Variants in SART3 observed in about 807,000 individuals in gnomAD.
SART3 encodes HIV-1 Tat-interacting protein of 110kDa.
In SART3, 44 loss-of-function variants were observed where a neutral mutation model predicts 122.3. That is an observed-to-expected ratio of 0.36 (90% confidence interval 0.28 to 0.46). SART3 has a LOEUF of 0.46. Ranked by LOEUF, SART3 falls within the 20% of genes least tolerant of loss-of-function variation. SART3 has a pLI of 1.00. For synonymous variants in SART3, 442 were observed against 454.0 expected, an observed-to-expected ratio of 0.97 and a Z score of 0.34; for missense variants, 1,101 against 1,229.0, an observed-to-expected ratio of 0.90 and a Z score of 1.56.
At chr12:108,558,496 G>A (rs1267302627) in intron 1 of SART3, among the ~76,000 whole-genome samples, 3 of 152,156 alleles carry the variant, frequency 2.0e-5, no homozygotes, top group Non-Finnish European at 4.4e-5. Context: ...AGTACTAGTG[G>A]CCAGAGACCT....
At chr12:108,543,601 T>C (rs1285123296) in intron 5 of SART3, among the ~76,000 whole-genome samples, 2 of 152,234 alleles carry the variant, frequency 1.3e-5, no homozygotes, top group Non-Finnish European at 2.9e-5. Flanking sequence ...CTAATCATTA[T>C]GCTAGGTTGT....
chr12:108,552,536 C>CAAAAAAAAA (rs750041162), intron 1 of SART3, among the ~76,000 whole-genome samples: 1 of 114,394 alleles, frequency 8.7e-6, no homozygotes, highest in African/African-American at 4.1e-5. Context: ...GATAAACATA[C>CAAAAAAAAA]AAAAACAAAA....
chr12:108,545,947 GAA>G (rs1873393283), intron 3 of SART3, among the ~76,000 whole-genome samples: 1 of 104,908 alleles, frequency 9.5e-6, no homozygotes, highest in South Asian at 3.7e-4. Flanking sequence ...CAGCCTAAGC[GAA>G]AGAGTAAGAC....
At chr12:108,526,599 T>C in intron 15 of SART3, 46 bp from the exon 16 acceptor site, 1 of 1,594,596 alleles carries the variant, frequency 6.3e-7, no homozygotes, top group South Asian at 1.1e-5. Context: ...CTGTTACTTC[T>C]CTTCAGGGAG....
At position 108,531,933 on chromosome 12, in the gene SART3, G is replaced by A. The variant is rs569938368; in HGVS notation, c.1669+289C>T. ...GTGAAGCTGCTACTGGCATTTCAGG[G>A]CTAGAAGCCAGGGATGCCCCTAAAC... is the stretch of plus-strand genomic sequence containing the variant. On this transcript the variant is annotated intron_variant, in intron 13 of 18. Coordinates refer to ENST00000546815, the MANE Select transcript of SART3 (RefSeq NM_014706.4). 5 of 392,974 alleles carry A rather than the reference G, an allele frequency of 1.3e-5. No individual in the cohort carries two copies. In the East Asian group the frequency reaches 2.9e-4, roughly 23 times the overall value. 24.3% of individuals were successfully genotyped at this position (392,974 alleles called of 1,614,324 possible).
Position 108,532,236 on chromosome 12 carries a change from A to G in SART3, c.1655T>C (p.Met552Thr). ...GGGGGTCCCACCTTCTGTCCTCTCCATGGTGAGTAACACTTCGCAGACGTG... is the reference window on the plus strand; with the variant it reads ...GGGGGTCCCACCTTCTGTCCTCTCCGTGGTGAGTAACACTTCGCAGACGTG... ...PEHVCEVLLT[M>T]ERTEGSLEDW... is the part of the protein sequence containing the mutation. The change falls in exon 13 of 19, where the codon ATG (methionine) becomes ACG (threonine). Residue 552 changes from methionine to threonine, a missense_variant. By Grantham distance (81) the Met-to-Thr change is moderately conservative. This residue lies in a region of SART3 where 885 missense variants were observed against 1,080.1 expected (regional missense o/e 0.82). Transcript: ENST00000546815. 6 of 1,614,018 alleles carry G rather than the reference A, an allele frequency of 3.7e-6. No homozygotes were observed. The highest frequency in any genetic ancestry group is 5.1e-6 in the Non-Finnish European group (6 of 1,179,928).
chr12:108,537,522 A>G lies in SART3; in HGVS notation c.1275T>C (p.Leu425=). 3 of 1,614,046 alleles carry G rather than the reference A, an allele frequency of 1.9e-6. No individual in the cohort carries two copies. Among genetic ancestry groups the G allele is most frequent in the Non-Finnish European group, 2.5e-6 (3 of 1,179,904 alleles). Residue 425 remains leucine, a synonymous_variant, in exon 9 of 19, where the codon CTT becomes CTC. Coordinates refer to ENST00000546815, the MANE Select transcript of SART3 (RefSeq NM_014706.4). ...AATCAACCCTTCTCCTCAGGTAATC[A>G]AGGTATGCCTGCCAAATCTCCACAT... is the stretch of plus-strand genomic sequence containing the variant. The part of the protein sequence containing the change: ...TDYVEIWQAY[L]DYLRRRVDFK...
rs1036096767 is a variant in SART3 at position 108,524,380 on chromosome 12, G to C, written c.2650C>G (p.Pro884Ala). The C allele has an allele frequency of 1.9e-6, 3 of 1,614,144 alleles. No homozygotes were observed. The highest frequency in any genetic ancestry group is 2.5e-6 in the Non-Finnish European group (3 of 1,180,006). The change falls in exon 18 of 19, where the codon CCA becomes GCA. Residue 884 changes from proline to alanine, a missense_variant. Physicochemically the swap from Pro to Ala is conservative, Grantham distance 27. Coordinates refer to ENST00000546815, the MANE Select transcript of SART3 (RefSeq NM_014706.4). ...GCCTTCCTGGTCTCCGGCTTCTCTGGAACTTTCCTCTGAGGAGGGTTGCTG... is the reference window on the plus strand; with the variant it reads ...GCCTTCCTGGTCTCCGGCTTCTCTGCAACTTTCCTCTGAGGAGGGTTGCTG... ...AISNPPQRKV[P>A]EKPETRKAPG...
At chr12:108,524,287 T>A (rs370724400) in intron 18 of SART3, 29 bp downstream of exon 18, 1 of 1,598,254 alleles carries the variant, frequency 6.3e-7, no homozygotes. Flanking sequence ...AGGACGAAGT[T>A]TGCACTAGTC....
chr12:108,549,699 A>C (rs1222776044), intron 1 of SART3, among the ~76,000 whole-genome samples: 1 of 152,216 alleles, frequency 6.6e-6, no homozygotes, highest in African/African-American at 2.4e-5. Context: ...GTACACTGTA[A>C]GACCTCTTTT....
chr12:108,546,903 T>C (rs1464558101), intron 3 of SART3, among the ~76,000 whole-genome samples: 1 of 152,124 alleles, frequency 6.6e-6, no homozygotes, highest in Non-Finnish European at 1.5e-5. Flanking sequence ...CGCTGCAACC[T>C]CCACTTCCCA....
At chr12:108,550,703 A>G (rs933010053) in intron 1 of SART3, among the ~76,000 whole-genome samples, 1 of 152,186 alleles carries the variant, frequency 6.6e-6, no homozygotes, top group African/African-American at 2.4e-5. Context: ...TCTACCAAAA[A>G]ATACAAAAAA....
intron 6 of SART3, among the ~76,000 whole-genome samples, chr12:108,541,568 A>G (rs2136680010): frequency 6.6e-6 from 1 of 152,132 alleles, no homozygotes; most frequent in African/African-American, 2.4e-5. Context: ...GGAGTCTCAC[A>G]CTGTTGCCCA....
chr12:108,547,888 A>G lies in SART3; in HGVS notation c.543T>C (p.Ile181=), dbSNP rs1303175819. The change falls in exon 3 of 19, where the codon ATT becomes ATC. Residue 181 remains isoleucine (I), a splice_region_variant and synonymous_variant. Transcript: ENST00000546815. The stretch of plus-strand genomic sequence containing the variant: ...CAAAAAAAGTCCACGGGAACTTACA[A>G]ATGTAATCCTTCACGGCTTTCTCAA... The part of the protein sequence containing the change: ...DLFEKAVKDY[I]CPNIWLEYGQ... The G allele has an allele frequency of 6.2e-7, 1 of 1,612,090 alleles. No individual in the cohort carries two copies. Among genetic ancestry groups the G allele is most frequent in the Non-Finnish European group, 8.5e-7 (1 of 1,178,712 alleles).
At chr12:108,542,852 C>A in intron 6 of SART3, 176 bp downstream of exon 6, 1 of 884,588 alleles carries the variant, frequency 1.1e-6, no homozygotes, top group Non-Finnish European at 1.8e-6. Context: ...ATTTCTTAAC[C>A]TGGGTGGTAG....
rs1872210582 is a variant in SART3 at position 108,523,328 on chromosome 12, G to C, written c.*129C>G. 1 of 960,864 alleles carries C rather than the reference G, an allele frequency of 1.0e-6. No individual in the cohort carries two copies. The highest frequency in any genetic ancestry group is 1.7e-6 in the Non-Finnish European group (1 of 591,412). 59.5% of individuals were successfully genotyped at this position (960,864 alleles called of 1,614,324 possible). On this transcript the variant is annotated 3_prime_UTR_variant, in exon 19 of 19. Coordinates refer to ENST00000546815, the MANE Select transcript of SART3 (RefSeq NM_014706.4). ...GAACCCCTTCCCCTTTCTGTCTAAA[G>C]CCGAGGAGCCATCTGTGGTTGCGAG...
chr12:108,554,676 A>C (rs2030144303), intron 1 of SART3, among the ~76,000 whole-genome samples: 1 of 148,388 alleles, frequency 6.7e-6, no homozygotes, highest in African/African-American at 2.4e-5. Context: ...TTATATATTT[A>C]TATATTTATA....
intron 8 of SART3, 149 bp downstream of exon 8, chr12:108,537,916 G>A (rs1466187603): frequency 3.3e-6 from 3 of 906,800 alleles, no homozygotes; most frequent in Non-Finnish European, 5.4e-6. Context: ...AATATAACCA[G>A]TTCATCTCTC....
intron 16 of SART3, 143 bp from the exon 17 acceptor site, chr12:108,525,752 G>C (rs1178703097): frequency 1.2e-6 from 1 of 831,280 alleles, no homozygotes; most frequent in African/African-American, 1.7e-5. Flanking sequence ...TTGTTAATGG[G>C]GCCACCGGAG....
Sources: allele counts gnomAD v4.1 joint callset (sites outside exome capture counted in the v4.1 genomes callset), GRCh38; gene constraint gnomAD v4.1.1; regional missense constraint gnomAD v4.1.1; transcripts MANE v1.5; gene names NCBI Gene and HGNC (gene_info 2026-07-23, HGNC 2026-07-21).